CEBPZ: variants seen among roughly 807,000 people sequenced by gnomAD.
CEBPZ encodes the protein CCAAT/enhancer-binding protein zeta.
Under a neutral mutation model 104.5 loss-of-function variants are expected in CEBPZ, and 78 were observed. The ratio of observed to expected loss-of-function variants is 0.75; its 90% CI spans 0.62 to 0.90. The LOEUF is 0.90. Ranked by LOEUF, CEBPZ falls within the 40% of genes least tolerant of loss-of-function variation. The pLI is 0.00. For synonymous variants in CEBPZ, 470 were observed against 427.0 expected (o/e 1.10, Z -1.24); for missense variants, 1,439 against 1,233.5 (o/e 1.17, Z -2.50).
chr2:37,208,983 T>C (rs1186335894), intron 13 of CEBPZ: 1 of 150,974 alleles, frequency 6.6e-6, no homozygotes, highest in Non-Finnish European at 1.5e-5. Flanking sequence ...GTAGCATTGC[T>C]ATACACCAAC....
intron 10 of CEBPZ, chr2:37,212,606 C>G: frequency 1.9e-6 from 1 of 538,370 alleles, no homozygotes; most frequent in South Asian, 2.7e-5. Flanking sequence ...AAAGAAGGAT[C>G]CAGTTAATTT....
At chr2:37,214,975 T>C in intron 8 of CEBPZ, 23 bp from the exon 9 acceptor site, 2 of 1,468,308 alleles carry the variant, frequency 1.4e-6, no homozygotes, top group Non-Finnish European at 1.9e-6. Context: ...ATTTAAACAT[T>C]TTAACTTCAT....
chr2:37,222,588 T>C, intron 3 of CEBPZ, 25 bp from the exon 4 acceptor site: 1 of 1,503,442 alleles, frequency 6.7e-7, no homozygotes, highest in Non-Finnish European at 9.0e-7. Context: ...GTTTCATAAA[T>C]CTACATAAAT....
At position 37,227,898 on chromosome 2, in the gene CEBPZ, T is replaced by C. The variant is rs1052506878; in HGVS notation, c.1295A>G (p.Asn432Ser). ...ATAATATTGAGCTTTGGAGCTGATA[T>C]TTGAGCGGAAGAGTAGCCTTTCTAC... ...GEVERLLFRS[N>S]ISSKAQYYAI... The change falls in exon 2 of 16, where the codon AAT becomes AGT. Residue 432 changes from asparagine to serine, a missense_variant. Physicochemically the swap from Asn to Ser is conservative, Grantham distance 46 (BLOSUM62 1). Transcript: ENST00000234170. 9 of 1,614,086 alleles carry C rather than the reference T, an allele frequency of 5.6e-6. No homozygotes were observed. Among genetic ancestry groups the C allele is most frequent in the South Asian group, 2.2e-5 (2 of 91,088 alleles).
chr2:37,228,016 C>G lies in CEBPZ; in HGVS notation c.1177G>C (p.Asp393His), dbSNP rs1317585292. Residue 393 changes from aspartate to histidine, a missense_variant, in exon 2 of 16, where the codon GAT becomes CAT. Asp to His is a moderately conservative substitution (Grantham distance 81, BLOSUM62 -1). Coordinates refer to ENST00000234170, the MANE Select transcript of CEBPZ (RefSeq NM_005760.3). The stretch of plus-strand genomic sequence containing the variant: ...TTTGTGGCAATTCTGTTCTGAGGAT[C>G]TCCCAGTTTATTTACCACTTGCACA... The part of the protein sequence containing the change: ...LLVQVVNKLG[D>H]PQNRIATKAS... 1.9e-6 allele frequency: 3 copies of G among 1,614,168 alleles called. No homozygotes were observed. The East Asian group carries it at 6.7e-5, about 36-fold the overall frequency.
At chr2:37,216,237 G>A (rs1399623367) in intron 7 of CEBPZ, 29 bp from the exon 8 acceptor site, 6 of 1,605,132 alleles carry the variant, frequency 3.7e-6, no homozygotes, top group South Asian at 2.2e-5. Flanking sequence ...ACAGTATAAT[G>A]CAAAACCTAG....
chr2:37,210,751 C>T (rs999871150), intron 13 of CEBPZ: 14 of 379,914 alleles, frequency 3.7e-5, no homozygotes, highest in Non-Finnish European at 6.2e-5. Context: ...CCTACCTGTT[C>T]CCCAAAAACA....
intron 10 of CEBPZ, among the ~76,000 whole-genome samples, chr2:37,213,066 CA>C (rs1214790079): frequency 1.3e-5 from 2 of 151,594 alleles, no homozygotes; most frequent in African/African-American, 2.4e-5. Context: ...ACAAACCCCC[CA>C]AAAAACAACA....
chr2:37,203,123 A>G, intron 13 of CEBPZ, 115 bp from the exon 14 acceptor site: 1 of 632,036 alleles, frequency 1.6e-6, no homozygotes, highest in Non-Finnish European at 2.6e-6. Flanking sequence ...AATTGCAATA[A>G]TCTTCTGGCA....
At chr2:37,224,903 A>C (rs953907120) in intron 2 of CEBPZ, among the ~76,000 whole-genome samples, 12 of 152,172 alleles carry the variant, frequency 7.9e-5, no homozygotes, top group Non-Finnish European at 1.6e-4. Flanking sequence ...TTAAAAATCC[A>C]CCCTTCCTCA....
At chr2:37,229,428 T>C (rs1375507297) in intron 1 of CEBPZ, among the ~76,000 whole-genome samples, 2 of 152,192 alleles carry the variant, frequency 1.3e-5, no homozygotes, top group Non-Finnish European at 2.9e-5. Flanking sequence ...TCTTTAAGAA[T>C]ATGAAAAGAT....
intron 13 of CEBPZ, among the ~76,000 whole-genome samples, chr2:37,207,311 A>G (rs1048844724): frequency 2.6e-5 from 4 of 152,206 alleles, no homozygotes; most frequent in African/African-American, 9.6e-5. Flanking sequence ...GACTTAACAG[A>G]TACCTACGGA....
At chr2:37,218,893 T>C (rs1664701238) in intron 5 of CEBPZ, among the ~76,000 whole-genome samples, 1 of 152,322 alleles carries the variant, frequency 6.6e-6, no homozygotes, top group Middle Eastern at 3.4e-3. Flanking sequence ...TGTAACATTG[T>C]GCATTGGTCA....
At chr2:37,204,855 C>T (rs1235489921) in intron 13 of CEBPZ, 2 of 152,178 alleles carry the variant, frequency 1.3e-5, no homozygotes, top group Non-Finnish European at 2.9e-5. Flanking sequence ...TGAAACAGTA[C>T]TTTACTATTT....
intron 4 of CEBPZ, among the ~76,000 whole-genome samples, chr2:37,221,172 C>T (rs1370332323): frequency 6.6e-6 from 1 of 151,736 alleles, no homozygotes; most frequent in African/African-American, 2.4e-5. Context: ...CACAACTAGC[C>T]ATACCTGGTG....
In CEBPZ at chr2:37,217,144, T is replaced by C. The variant is rs565372304; in HGVS notation, c.2155-107A>G. Reference sequence around the variant, plus strand: ...TGGGTGTGGTGGCTCACACCTGTAATTCCAGCACTTTGGGAGGCTCAGGCA... The same window carrying C: ...TGGGTGTGGTGGCTCACACCTGTAACTCCAGCACTTTGGGAGGCTCAGGCA... On this transcript the variant is annotated intron_variant, in intron 5 of 15. Coordinates refer to ENST00000234170, the MANE Select transcript of CEBPZ (RefSeq NM_005760.3). The C allele has an allele frequency of 6.3e-5, 54 of 860,866 alleles. No individual in the cohort carries two copies. In the South Asian group the frequency reaches 7.5e-4, roughly 12 times the overall value. 53.3% of individuals were successfully genotyped at this position (860,866 alleles called of 1,614,324 possible). A position where few individuals can be genotyped will look rare whatever the true frequency, so the allele number is the denominator to read the frequency against.
At chr2:37,223,585 C>A (rs1664817700) in intron 2 of CEBPZ, among the ~76,000 whole-genome samples, 184 bp from the exon 3 acceptor site, 3 of 152,188 alleles carry the variant, frequency 2.0e-5, no homozygotes, top group Admixed American at 2.0e-4. Context: ...ATGATGATGG[C>A]ACCAGGAAAA....
chr2:37,222,411 A>G lies in CEBPZ; in HGVS notation c.2034T>C (p.Val678=), dbSNP rs1378774115. Reference sequence around the variant, plus strand: ...AATTATCAAAGTGCACCCAGGAAGCAACCTCTGGTTTTTTGGTTTCTACAT... The same window carrying G: ...AATTATCAAAGTGCACCCAGGAAGCGACCTCTGGTTTTTTGGTTTCTACAT... ...ETDVETKKPE[V]ASWVHFDNLK... The change falls in exon 4 of 16, where the codon GTT becomes GTC. Residue 678 remains valine (V), a synonymous_variant. Transcript: ENST00000234170. The G allele has an allele frequency of 6.3e-7, 1 of 1,595,836 alleles. No homozygotes were observed. Among genetic ancestry groups the G allele is most frequent in the Non-Finnish European group, 8.5e-7 (1 of 1,174,664 alleles).
At chr2:37,211,209 G>C in intron 12 of CEBPZ, 127 bp from the exon 13 acceptor site, 2 of 550,000 alleles carry the variant, frequency 3.6e-6, no homozygotes, top group Non-Finnish European at 3.1e-6. Flanking sequence ...TGTGGGTTTT[G>C]TAATTCCACT....
Sources: allele counts gnomAD v4.1 joint callset (sites outside exome capture counted in the v4.1 genomes callset), GRCh38; gene constraint gnomAD v4.1.1; transcripts MANE v1.5; gene names NCBI Gene and HGNC (gene_info 2026-07-23, HGNC 2026-07-21).